SPRED1: variants seen among roughly 807,000 people sequenced by gnomAD.
SPRED1 encodes the protein sprouty related EVH1 domain containing 1.
Under a neutral mutation model 52.3 loss-of-function variants are expected in SPRED1, and 18 were observed. The observed-to-expected ratio is 0.34, with a 90% confidence interval of 0.24 to 0.51. The LOEUF is 0.51. Ranked by LOEUF, SPRED1 falls within the 20% of genes least tolerant of loss-of-function variation. The probability of loss-of-function intolerance (pLI) is 0.97; values close to 1 mark genes in which losing one functional copy is unlikely to be tolerated. For synonymous variants in SPRED1, 155 were observed against 179.7 expected (o/e 0.86, Z 1.10); for missense variants, 485 against 551.0 (o/e 0.88, Z 1.20).
At chr15:38,326,357 C>T (rs1895710242) in intron 4 of SPRED1, 1 of 152,136 alleles carries the variant, frequency 6.6e-6, no homozygotes, top group Non-Finnish European at 1.5e-5. Context: ...TAAGGAAGGG[C>T]TCCTAAACAA....
intron 1 of SPRED1, among the ~76,000 whole-genome samples, chr15:38,290,280 T>C (rs1353238259): frequency 5.9e-5 from 9 of 152,042 alleles, no homozygotes; most frequent in African/African-American, 2.2e-4. Flanking sequence ...AATTAAGGAG[T>C]CATGGGGAAT....
chr15:38,271,757 A>G (rs1419166875), intron 1 of SPRED1, among the ~76,000 whole-genome samples: 7 of 152,190 alleles, frequency 4.6e-5, no homozygotes, highest in Non-Finnish European at 1.0e-4. Context: ...CATTAAAAAA[A>G]TTTCCATTCT....
In SPRED1 at chr15:38,309,696, G is replaced by GT. The variant is rs555804610; in HGVS notation, c.207+10156dup. ...CATAGGTCATGAAGATTTATCCTGT[G>GT]TTTTTTTCCTGAAAGTTTTATATAA... On this transcript the variant is annotated intron_variant, in intron 2 of 6. Coordinates refer to ENST00000299084, the MANE Select transcript of SPRED1 (RefSeq NM_152594.3). 1.5e-4 allele frequency among the ~76,000 whole-genome samples: 23 copies of GT among 152,182 alleles called. No homozygotes were observed. The East Asian group carries it at 4.1e-3, about 27-fold the overall frequency.
intron 5 of SPRED1, among the ~76,000 whole-genome samples, chr15:38,348,154 A>T (rs1365586027): frequency 2.0e-5 from 3 of 152,072 alleles, no homozygotes; most frequent in Admixed American, 2.0e-4. Context: ...CTATCAGGAA[A>T]AAAAATTGTT....
intron 1 of SPRED1, among the ~76,000 whole-genome samples, chr15:38,294,879 C>CA (rs1403992653): frequency 3.9e-5 from 6 of 152,086 alleles, no homozygotes; most frequent in Admixed American, 6.5e-5. Context: ...ATATATGTGG[C>CA]AAAAAAACTC....
chr15:38,319,210 T>A (rs933127186), intron 2 of SPRED1, among the ~76,000 whole-genome samples: 1 of 152,224 alleles, frequency 6.6e-6, no homozygotes, highest in Non-Finnish European at 1.5e-5. Context: ...ATGAATATAG[T>A]ATAAATGTTG....
intron 2 of SPRED1, among the ~76,000 whole-genome samples, chr15:38,308,232 A>G (rs1286060444): frequency 3.9e-5 from 6 of 152,180 alleles, no homozygotes; most frequent in Admixed American, 3.9e-4. Context: ...ATTAATTGCT[A>G]TTGTAAGAAA....
At chr15:38,267,744 A>C (rs146594313) in intron 1 of SPRED1, among the ~76,000 whole-genome samples, 22 of 152,324 alleles carry the variant, frequency 1.4e-4, no homozygotes, top group African/African-American at 4.1e-4. Flanking sequence ...AGGAAAGTTA[A>C]ATGACTTGGC....
In SPRED1 at chr15:38,354,027, C is replaced by G. The variant is rs1475136486; in HGVS notation, c.*2363C>G. ...TTCCTTTACAATTTTAAACAAGTTTCTTCATTAAAAACTATGGTGATGAAA... is the reference window on the plus strand; with the variant it reads ...TTCCTTTACAATTTTAAACAAGTTTGTTCATTAAAAACTATGGTGATGAAA... On this transcript the variant is annotated 3_prime_UTR_variant, in exon 7 of 7. Transcript: ENST00000299084. 6.6e-6 allele frequency: 1 copy of G among 152,548 alleles called. No homozygotes were observed. Among genetic ancestry groups the G allele is most frequent in the Non-Finnish European group, 1.5e-5 (1 of 67,998 alleles). 9.4% of individuals were successfully genotyped at this position (152,548 alleles called of 1,614,324 possible). A position where few individuals can be genotyped will look rare whatever the true frequency, so the allele number is the denominator to read the frequency against.
At chr15:38,300,449 T>C (rs1895129315) in intron 2 of SPRED1, among the ~76,000 whole-genome samples, 1 of 152,216 alleles carries the variant, frequency 6.6e-6, no homozygotes, top group Admixed American at 6.5e-5. Flanking sequence ...TCTTATGTTT[T>C]GAGCTCCAAA....
intron 6 of SPRED1, among the ~76,000 whole-genome samples, chr15:38,350,769 AG>A (rs1387985854): frequency 1.3e-5 from 2 of 152,154 alleles, no homozygotes; most frequent in Non-Finnish European, 2.9e-5. Flanking sequence ...CTTCTTGCTC[AG>A]GGGGAGCTCA....
intron 2 of SPRED1, among the ~76,000 whole-genome samples, chr15:38,309,951 C>T (rs1355887049): frequency 6.6e-6 from 1 of 152,090 alleles, no homozygotes. Context: ...ATCCCTCCAC[C>T]AGTATCACAC....
At chr15:38,297,843 T>A (rs914882573) in intron 1 of SPRED1, among the ~76,000 whole-genome samples, 1 of 152,168 alleles carries the variant, frequency 6.6e-6, no homozygotes, top group African/African-American at 2.4e-5. Context: ...ACACGTAAGT[T>A]TGAGGCACAG....
rs1481724729 is a variant in SPRED1 at position 38,355,022 on chromosome 15, C to A, written c.*3358C>A. ...CCAGGCTGGAGTGCAATGGTGCGATCTCAGCTCACTGCAACCTCCGCCTCC... is the reference window on the plus strand; with the variant it reads ...CCAGGCTGGAGTGCAATGGTGCGATATCAGCTCACTGCAACCTCCGCCTCC... On this transcript the variant is annotated 3_prime_UTR_variant, in exon 7 of 7. Coordinates refer to ENST00000299084, the MANE Select transcript of SPRED1 (RefSeq NM_152594.3). 2 of 152,422 alleles carry A rather than the reference C, an allele frequency of 1.3e-5. No individual in the cohort carries two copies. Among genetic ancestry groups the A allele is most frequent in the Non-Finnish European group, 2.9e-5 (2 of 68,250 alleles). 9.4% of individuals were successfully genotyped at this position (152,422 alleles called of 1,614,324 possible).
intron 4 of SPRED1, among the ~76,000 whole-genome samples, chr15:38,332,433 C>T (rs961217794): frequency 6.6e-6 from 1 of 151,976 alleles, no homozygotes; most frequent in African/African-American, 2.4e-5. Context: ...ATTAGCCAGG[C>T]ATGATGGAGT....
Position 38,303,517 on chromosome 15 carries a change from G to A in SPRED1, c.207+3970G>A, listed in dbSNP as rs188885975. Among the ~76,000 whole-genome samples, 33 of 152,200 alleles carry A rather than the reference G, an allele frequency of 2.2e-4. No individual in the cohort carries two copies. In the South Asian group the frequency reaches 3.5e-3, roughly 16 times the overall value. The stretch of plus-strand genomic sequence containing the variant: ...TTATCTGATACATGGTATGTGACAT[G>A]TAAATTTAAAATACCGAATTATAAT... On this transcript the variant is annotated intron_variant, in intron 2 of 6. Coordinates refer to ENST00000299084, the MANE Select transcript of SPRED1 (RefSeq NM_152594.3).
intron 1 of SPRED1, among the ~76,000 whole-genome samples, chr15:38,283,105 G>C (rs1473661558): frequency 1.3e-5 from 2 of 152,132 alleles, no homozygotes; most frequent in Non-Finnish European, 2.9e-5. Flanking sequence ...GGTTCCACAG[G>C]CTTAACAGAA....
chr15:38,320,970 G>A (rs899010939), intron 2 of SPRED1, among the ~76,000 whole-genome samples: 4 of 152,152 alleles, frequency 2.6e-5, no homozygotes, highest in Admixed American at 2.6e-4. Flanking sequence ...GCTCTAAAAG[G>A]TGTTATTAGT....
intron 1 of SPRED1, among the ~76,000 whole-genome samples, chr15:38,291,276 A>G (rs139125664): frequency 6.6e-6 from 1 of 152,334 alleles, no homozygotes; most frequent in African/African-American, 2.4e-5. Context: ...GGTCTTGGGC[A>G]TCTCTGCCCA....
Sources: gnomAD v4.1 joint callset for allele counts (sites outside exome capture counted in the v4.1 genomes callset) on GRCh38, gnomAD v4.1.1 for gene constraint, MANE v1.5 for transcripts, NCBI Gene and HGNC (gene_info 2026-07-23, HGNC 2026-07-21) for gene names.